RANBP3: variants seen among roughly 807,000 people sequenced by gnomAD.
RANBP3 encodes the protein RAN binding protein 3, also known as ran-binding protein 3.
RANBP3 carries 14 observed loss-of-function variants against 77.3 expected under a neutral mutation model. That is an observed-to-expected ratio of 0.18 (90% CI 0.12 to 0.28). The LOEUF (loss-of-function observed/expected upper bound fraction) is 0.28, where lower values mean the gene tolerates loss of function less well. RANBP3 is among the 10% of genes least tolerant of loss of function. The pLI is 1.00. For synonymous variants in RANBP3, 315 were observed against 312.4 expected (o/e 1.01, Z -0.09); for missense variants, 586 against 752.3 (o/e 0.78, Z 2.59).
intron 1 of RANBP3, among the ~76,000 whole-genome samples, chr19:5,964,814 C>T (rs2058444368): frequency 1.0e-5 from 1 of 100,256 alleles, no homozygotes; most frequent in Admixed American, 1.5e-4. Flanking sequence ...GAAAACAGGG[C>T]AGCCTGGGGG....
Position 5,916,377 on chromosome 19 carries a change from G to A in RANBP3, c.*1233C>T, listed in dbSNP as rs1310932644. 1 of 152,172 alleles carries A rather than the reference G, an allele frequency of 6.6e-6. No individual in the cohort carries two copies. The highest frequency in any genetic ancestry group is 1.5e-5 in the Non-Finnish European group (1 of 68,072). The allele number at this position is 152,172 out of a possible 1,614,324, so 9.4% of individuals were successfully genotyped here. Reference sequence around the variant, plus strand: ...AGGTGTGGACGGCACAGCTGCAGGAGGCCTTCTCTTAACCCTCCGAGAGTG... The same window carrying A: ...AGGTGTGGACGGCACAGCTGCAGGAAGCCTTCTCTTAACCCTCCGAGAGTG... On this transcript the variant is annotated 3_prime_UTR_variant, in exon 17 of 17. Coordinates refer to ENST00000340578, the MANE Select transcript of RANBP3 (RefSeq NM_007322.3).
At chr19:5,961,169 C>T (rs1250847835) in intron 1 of RANBP3, among the ~76,000 whole-genome samples, 5 of 152,144 alleles carry the variant, frequency 3.3e-5, no homozygotes, top group Non-Finnish European at 2.9e-5. Context: ...GTTGGCCGGG[C>T]GCGGTGGCTC....
At chr19:5,918,098 GGGAGGC>G in intron 15 of RANBP3, 118 bp from the exon 16 acceptor site, 2 of 1,198,760 alleles carry the variant, frequency 1.7e-6, no homozygotes, top group Non-Finnish European at 2.3e-6. Context: ...AGGCCTTGTG[GGGAGGC>G]CATTGGCCCT....
intron 5 of RANBP3, among the ~76,000 whole-genome samples, chr19:5,938,610 T>G (rs923442409): frequency 1.3e-5 from 2 of 152,106 alleles, no homozygotes; most frequent in Non-Finnish European, 2.9e-5. Flanking sequence ...GAGAATTGCT[T>G]GAACCCAGGA....
intron 8 of RANBP3, among the ~76,000 whole-genome samples, chr19:5,928,957 T>C (rs1444381161): frequency 6.6e-6 from 1 of 152,204 alleles, no homozygotes; most frequent in Non-Finnish European, 1.5e-5. Context: ...ACAGTGGACA[T>C]GAACGTGAGG....
chr19:5,972,383 T>G (rs1247352205), intron 1 of RANBP3, among the ~76,000 whole-genome samples: 1 of 152,182 alleles, frequency 6.6e-6, no homozygotes, highest in East Asian at 1.9e-4. Flanking sequence ...AAGGTGGTGG[T>G]GAGGAGCTTT....
intron 1 of RANBP3, among the ~76,000 whole-genome samples, chr19:5,974,033 C>A (rs1477034985): frequency 6.6e-6 from 1 of 152,164 alleles, no homozygotes; most frequent in Non-Finnish European, 1.5e-5. Context: ...AGCCTCCCCA[C>A]CCCCACTCCC....
Position 5,958,075 on chromosome 19 carries a change from C to T in RANBP3, c.23-102G>A. 9.6e-7 allele frequency: 1 copy of T among 1,037,000 alleles called. No homozygotes were observed. Among genetic ancestry groups the T allele is most frequent in the Non-Finnish European group, 1.5e-6 (1 of 686,068 alleles). The allele number at this position is 1,037,000 out of a possible 1,614,324, so 64.2% of individuals were successfully genotyped here. On this transcript the variant is annotated intron_variant, in intron 1 of 16. Coordinates refer to ENST00000340578, the MANE Select transcript of RANBP3 (RefSeq NM_007322.3). The surrounding 1 kb of genome is among the most constrained non-coding windows in gnomAD (Gnocchi z 4.4). ...ATGTTAAACATATATATAAATGAAA[C>T]TAGTAACTCCAGAGAACATCAAATC...
At chr19:5,970,797 A>G (rs993341207) in intron 1 of RANBP3, among the ~76,000 whole-genome samples, 3 of 152,210 alleles carry the variant, frequency 2.0e-5, no homozygotes, top group African/African-American at 7.2e-5. Context: ...CTCTCACACC[A>G]CAATCCTCAG....
chr19:5,922,544 G>A (rs563892445), intron 13 of RANBP3, among the ~76,000 whole-genome samples: 1 of 152,340 alleles, frequency 6.6e-6, no homozygotes, highest in South Asian at 2.1e-4. Flanking sequence ...TTTTCCCTAC[G>A]AAGACACCAC....
intron 5 of RANBP3, among the ~76,000 whole-genome samples, chr19:5,941,245 T>C (rs1482266761): frequency 6.6e-6 from 1 of 151,868 alleles, no homozygotes; most frequent in African/African-American, 2.4e-5. Context: ...AGCTGAGGGG[T>C]TGGGAGAACA....
intron 3 of RANBP3, 32 bp from the exon 4 acceptor site, chr19:5,941,867 G>T: frequency 6.2e-7 from 1 of 1,611,930 alleles, no homozygotes. Flanking sequence ...CGGGGTCAGA[G>T]GGCATCAGGC....
intron 1 of RANBP3, among the ~76,000 whole-genome samples, chr19:5,963,260 T>C (rs1460760709): frequency 6.6e-6 from 1 of 152,234 alleles, no homozygotes; most frequent in South Asian, 2.1e-4. Flanking sequence ...ATTAAGAGAT[T>C]AGAAAACCAA....
chr19:5,932,785 C>G, intron 6 of RANBP3: 1 of 530,604 alleles, frequency 1.9e-6, no homozygotes, highest in Non-Finnish European at 3.4e-6. Flanking sequence ...ATCCAGTTAG[C>G]ACAGTAACGT....
chr19:5,932,300 G>T, intron 7 of RANBP3, 152 bp downstream of exon 7: 2 of 655,208 alleles, frequency 3.1e-6, no homozygotes, highest in Non-Finnish European at 5.2e-6. Context: ...GAGACGGCTG[G>T]GGGGTGATTT....
Position 5,921,167 on chromosome 19 carries a change from G to A in RANBP3, c.1330+34C>T. 6.3e-7 allele frequency: 1 copy of A among 1,597,024 alleles called. No homozygotes were observed. Among genetic ancestry groups the A allele is most frequent in the Non-Finnish European group, 8.5e-7 (1 of 1,173,366 alleles). On this transcript the variant is annotated intron_variant, in intron 14 of 16. Coordinates refer to ENST00000340578, the MANE Select transcript of RANBP3 (RefSeq NM_007322.3). The surrounding 1 kb of genome is among the most constrained non-coding windows in gnomAD (Gnocchi z 5.3). ...CATAGTCCCCAGCCCTCCCCATGGG[G>A]ACCCGGCCACAGCCCCCGCCGTCGG... is the stretch of plus-strand genomic sequence containing the variant.
At chr19:5,974,530 ACTGT>A (rs1368485312) in intron 1 of RANBP3, 2 of 152,114 alleles carry the variant, frequency 1.3e-5, no homozygotes, top group Non-Finnish European at 2.9e-5. Flanking sequence ...ATGCACACAC[ACTGT>A]CTGAGAGGAA....
intron 3 of RANBP3, among the ~76,000 whole-genome samples, chr19:5,947,766 C>T (rs1166744222): frequency 1.3e-5 from 2 of 151,968 alleles, no homozygotes; most frequent in Non-Finnish European, 2.9e-5. Flanking sequence ...GGGCTGGTGG[C>T]GCAACAAGCT....
rs749045281 is a variant in RANBP3 at position 5,917,619 on chromosome 19, C to T, written c.1695G>A (p.Gly565=). The T allele has an allele frequency of 1.9e-6, 3 of 1,604,262 alleles. No homozygotes were observed. Among genetic ancestry groups the T allele is most frequent in the South Asian group, 2.2e-5 (2 of 90,002 alleles). The change falls in exon 17 of 17, where the codon GGG becomes GGA. Residue 565 remains glycine (G), a synonymous_variant. Coordinates refer to ENST00000340578, the MANE Select transcript of RANBP3 (RefSeq NM_007322.3). ...AGDEGDGQTT[G]ST is the part of the protein sequence containing the mutation. The stretch of plus-strand genomic sequence containing the variant: ...GCCGGGCTCCCGGCCGCTATGTGCT[C>T]CCGGTCGTCTGCCCGTCCCCTTCGT...
Sources: allele counts gnomAD v4.1 joint callset (sites outside exome capture counted in the v4.1 genomes callset), GRCh38; gene constraint gnomAD v4.1.1; non-coding constraint Gnocchi (gnomAD v3.1); transcripts MANE v1.5; gene names NCBI Gene and HGNC (gene_info 2026-07-23, HGNC 2026-07-21).